PAFAH1B2: variants seen among roughly 807,000 people sequenced by gnomAD.
PAFAH1B2 encodes platelet-activating factor acetylhydrolase IB subunit alpha2.
A neutral mutation model predicts 28.0 loss-of-function variants in PAFAH1B2; 8 were observed. The ratio of observed to expected loss-of-function variants is 0.29; its 90% CI spans 0.17 to 0.52. PAFAH1B2 has a LOEUF of 0.52. Among genes scored for constraint, PAFAH1B2 ranks in the 20% least tolerant of loss-of-function variants. The probability of loss-of-function intolerance (pLI) is 0.97; values close to 1 mark genes in which losing one functional copy is unlikely to be tolerated. For synonymous variants in PAFAH1B2, 104 were observed against 103.2 expected (o/e 1.01, Z -0.05); for missense variants, 190 against 282.6 (o/e 0.67, Z 2.35).
rs181355369 is a variant in PAFAH1B2 at position 117,168,521 on chromosome 11, C to G, written c.*822C>G. The G allele has an allele frequency of 1.3e-3, 1,312 of 1,018,194 alleles. 14 individuals are homozygous for G. The African/African-American group carries it at 0.023, about 18-fold the overall frequency. 63.1% of individuals were successfully genotyped at this position (1,018,194 alleles called of 1,614,324 possible). On this transcript the variant is annotated 3_prime_UTR_variant, in exon 6 of 6. Transcript: ENST00000527958. ...TTAACACATTTTTGACCTAGGAGCC[C>G]TGTTGCTGGAAGTATAGTCTCCAGC... is the stretch of plus-strand genomic sequence containing the variant.
chr11:117,156,874 C>T (rs994038500), intron 2 of PAFAH1B2, among the ~76,000 whole-genome samples: 2 of 151,732 alleles, frequency 1.3e-5, no homozygotes, highest in African/African-American at 2.4e-5. Flanking sequence ...AAATAAAAGC[C>T]GGATATGGTG....
intron 4 of PAFAH1B2, among the ~76,000 whole-genome samples, chr11:117,162,038 T>C (rs183202170): frequency 2.4e-4 from 36 of 152,314 alleles, no homozygotes; most frequent in African/African-American, 8.7e-4. Flanking sequence ...TTCTACCCAG[T>C]ATCTTATATC....
chr11:117,153,928 CTT>C (rs111809381), intron 2 of PAFAH1B2, among the ~76,000 whole-genome samples: 13 of 141,088 alleles, frequency 9.2e-5, no homozygotes, highest in Admixed American at 2.1e-4. Flanking sequence ...TTTTTCTTTT[CTT>C]TTTTTTTTTT....
At chr11:117,166,326 A>G (rs1209384545) in intron 5 of PAFAH1B2, among the ~76,000 whole-genome samples, 1 of 152,204 alleles carries the variant, frequency 6.6e-6, no homozygotes. Context: ...AGTACATAGT[A>G]TTTGCTTAGG....
At position 117,169,502 on chromosome 11, in the gene PAFAH1B2, C is replaced by T. The variant is rs1282601721; in HGVS notation, c.*1803C>T. On this transcript the variant is annotated 3_prime_UTR_variant, in exon 6 of 6. Coordinates refer to ENST00000527958, the MANE Select transcript of PAFAH1B2 (RefSeq NM_002572.4). ...CTTTTGTATGTTGGAGGAGGGCTTA[C>T]TGATGCGTGCTAAGACCGATTTCTG... is the stretch of plus-strand genomic sequence containing the variant. The T allele has an allele frequency of 1.9e-6, 2 of 1,054,888 alleles. No individual in the cohort carries two copies. The highest frequency in any genetic ancestry group is 5.3e-5 in the East Asian group (1 of 18,802). The allele number at this position is 1,054,888 out of a possible 1,614,324, so 65.3% of individuals were successfully genotyped here.
chr11:117,144,587 C>T (rs969066722), intron 1 of PAFAH1B2, among the ~76,000 whole-genome samples, 169 bp downstream of exon 1: 7 of 152,068 alleles, frequency 4.6e-5, no homozygotes, highest in African/African-American at 7.2e-5. Flanking sequence ...CGCGCCTTCT[C>T]TGCGGGCCCA....
chr11:117,146,937 G>A (rs948061107), intron 1 of PAFAH1B2, among the ~76,000 whole-genome samples: 2 of 151,642 alleles, frequency 1.3e-5, no homozygotes, highest in Admixed American at 6.6e-5. Flanking sequence ...CTGTGCTTCA[G>A]TCTGGGCATC....
chr11:117,150,233 C>G (rs958782152), intron 1 of PAFAH1B2, among the ~76,000 whole-genome samples: 1 of 152,088 alleles, frequency 6.6e-6, no homozygotes, highest in African/African-American at 2.4e-5. Flanking sequence ...CTGCAACTTC[C>G]GCCTGCCAGG....
intron 1 of PAFAH1B2, among the ~76,000 whole-genome samples, chr11:117,147,833 T>C (rs1002076004): frequency 1.3e-5 from 2 of 152,214 alleles, no homozygotes; most frequent in Non-Finnish European, 2.9e-5. Context: ...GAATATTTTG[T>C]GACCTCCCAG....
intron 2 of PAFAH1B2, among the ~76,000 whole-genome samples, chr11:117,157,983 C>A (rs1026473817): frequency 2.0e-5 from 3 of 151,750 alleles, no homozygotes; most frequent in African/African-American, 4.8e-5. Flanking sequence ...ACTAAAAATA[C>A]AAAAATTAGC....
At chr11:117,158,122 A>G (rs1303064157) in intron 2 of PAFAH1B2, among the ~76,000 whole-genome samples, 1 of 152,194 alleles carries the variant, frequency 6.6e-6, no homozygotes, top group African/African-American at 2.4e-5. Flanking sequence ...TGAGTGATAA[A>G]GTGAGATTCC....
chr11:117,149,306 C>G (rs980834012), intron 1 of PAFAH1B2, among the ~76,000 whole-genome samples: 2 of 151,806 alleles, frequency 1.3e-5, no homozygotes. Flanking sequence ...TAGTCTCAAA[C>G]TCCTGGATTC....
At chr11:117,164,020 C>G in intron 5 of PAFAH1B2, 128 bp downstream of exon 5, 2 of 880,600 alleles carry the variant, frequency 2.3e-6, no homozygotes, top group Admixed American at 4.4e-5. Context: ...CTTTCGTTGA[C>G]CTCTTCTTTA....
chr11:117,147,963 G>T (rs1157201186), intron 1 of PAFAH1B2, among the ~76,000 whole-genome samples: 2 of 152,008 alleles, frequency 1.3e-5, no homozygotes, highest in South Asian at 2.1e-4. Flanking sequence ...TTTGCTCAGG[G>T]TATCAGAATG....
chr11:117,144,488 A>C, intron 1 of PAFAH1B2, 70 bp downstream of exon 1: 1 of 192,646 alleles, frequency 5.2e-6, no homozygotes, highest in Non-Finnish European at 1.2e-5. Context: ...GCGAGGTGTT[A>C]TTGTGAGAGG....
In PAFAH1B2 at chr11:117,150,388, G is replaced by A. The variant is rs548558398; in HGVS notation, c.-7-2053G>A. On this transcript the variant is annotated intron_variant, in intron 1 of 5. Transcript: ENST00000527958. ...TGGTCTTGAACTCCTGACCTCAAGC[G>A]ATCCACCTGCTTTGGCTTCCCAAAG... Among the ~76,000 whole-genome samples, 14 of 151,772 alleles carry A rather than the reference G, an allele frequency of 9.2e-5. No homozygotes were observed. In the South Asian group the frequency reaches 1.5e-3, roughly 16 times the overall value.
intron 1 of PAFAH1B2, 52 bp downstream of exon 1, chr11:117,144,470 A>T (rs1955943267): frequency 3.8e-6 from 1 of 262,884 alleles, no homozygotes; most frequent in Non-Finnish European, 8.4e-6. Context: ...CGGGGGTCGG[A>T]AGGGGCTGCG....
At chr11:117,149,429 C>CTTTTTTTTTTTTTTTTTTTTTTTT (rs1565260556) in intron 1 of PAFAH1B2, among the ~76,000 whole-genome samples, 8 of 33,506 alleles carry the variant, frequency 2.4e-4, no homozygotes, top group Non-Finnish European at 4.6e-4. Flanking sequence ...GTTTTCTAAT[C>CTTTTTTTTTTTTTTTTTTTTTTTT]GTTTTTTTTT....
At chr11:117,155,302 A>G (rs1244845304) in intron 2 of PAFAH1B2, among the ~76,000 whole-genome samples, 1 of 152,226 alleles carries the variant, frequency 6.6e-6, no homozygotes. Flanking sequence ...GCCAAATAGA[A>G]TAGAAATCGT....
Sources: allele counts gnomAD v4.1 joint callset (sites outside exome capture counted in the v4.1 genomes callset), GRCh38; gene constraint gnomAD v4.1.1; transcripts MANE v1.5; gene names NCBI Gene and HGNC (gene_info 2026-07-23, HGNC 2026-07-21).